The following ITPR2 variants were observed in gnomAD, a reference collection of about 807,000 sequenced individuals.
The protein encoded by ITPR2 is inositol 1,4,5-trisphosphate receptor type 2, also known as inositol 1,4,5-trisphosphate-gated calcium channel ITPR2.
ITPR2 carries 207 observed loss-of-function variants against 317.1 expected under a neutral mutation model. The ratio of observed to expected loss-of-function variants is 0.65; its 90% CI spans 0.58 to 0.73. The LOEUF (loss-of-function observed/expected upper bound fraction) is 0.73, where lower values mean the gene tolerates loss of function less well. ITPR2 is among the 30% of genes least tolerant of loss of function. The probability of loss-of-function intolerance (pLI) is 0.00; values close to 1 mark genes in which losing one functional copy is unlikely to be tolerated. For missense variants in ITPR2, 2,613 were observed against 3,284.0 expected (o/e 0.80, Z 4.99); for synonymous variants, 1,156 against 1,149.1 (o/e 1.01, Z -0.12).
rs1346177394 is a variant in ITPR2, at chr12:26,338,395, T to C, written c.*1002A>G. The C allele has an allele frequency of 1.3e-5, 2 of 152,634 alleles. No individual in the cohort carries two copies. The highest frequency in any genetic ancestry group is 1.3e-4 in the Admixed American group (2 of 15,282). The allele number at this position is 152,634 out of a possible 1,614,324, so 9.5% of individuals were successfully genotyped here. ...TCAATACATTTCTTGGATTTTTTTT[T>C]CCTAACTGCAGGAACAGCATACATA... On this transcript the variant is annotated 3_prime_UTR_variant, in exon 57 of 57. Coordinates refer to ENST00000381340, the MANE Select transcript of ITPR2 (RefSeq NM_002223.4).
At chr12:26,482,649 G>A (rs1565551824) in intron 42 of ITPR2, among the ~76,000 whole-genome samples, 1 of 151,944 alleles carries the variant, frequency 6.6e-6, no homozygotes, top group African/African-American at 2.4e-5. Flanking sequence ...AAACTCTTTC[G>A]GTATTTCATA....
chr12:26,535,121 T>A (rs1462156958), intron 37 of ITPR2, among the ~76,000 whole-genome samples: 1 of 152,160 alleles, frequency 6.6e-6, no homozygotes, highest in African/African-American at 2.4e-5. Context: ...CATAAACATG[T>A]ATCAAAATAT....
intron 49 of ITPR2, 39 bp downstream of exon 49, chr12:26,427,874 C>A: frequency 1.5e-6 from 2 of 1,312,756 alleles, no homozygotes; most frequent in Non-Finnish European, 2.0e-6. Flanking sequence ...CACTTTTAAA[C>A]TAATTCTGTA....
At chr12:26,483,992 C>A (rs1942602774) in intron 41 of ITPR2, 94 bp from the exon 42 acceptor site, 45 of 1,086,882 alleles carry the variant, frequency 4.1e-5, no homozygotes, top group Middle Eastern at 2.8e-4. Context: ...TCTAACTTTT[C>A]TTTGTAAGAA....
At chr12:26,795,203 T>A (rs1185050953) in intron 1 of ITPR2, among the ~76,000 whole-genome samples, 1 of 152,258 alleles carries the variant, frequency 6.6e-6, no homozygotes, top group Admixed American at 6.5e-5. Flanking sequence ...TATTAAATGA[T>A]GTTAGGATAA....
intron 2 of ITPR2, among the ~76,000 whole-genome samples, chr12:26,754,803 T>C (rs1329170802): frequency 6.6e-6 from 1 of 152,220 alleles, no homozygotes; most frequent in East Asian, 1.9e-4. Flanking sequence ...TAGGTTTTTC[T>C]TAGAGCAAAA....
chr12:26,827,698 T>C (rs1167542658), intron 1 of ITPR2, among the ~76,000 whole-genome samples: 1 of 152,236 alleles, frequency 6.6e-6, no homozygotes, highest in African/African-American at 2.4e-5. Context: ...TATCTTGAAA[T>C]ACTGTGTAAA....
intron 45 of ITPR2, among the ~76,000 whole-genome samples, chr12:26,473,869 T>C (rs969374572): frequency 2.6e-5 from 4 of 152,218 alleles, no homozygotes. Flanking sequence ...TTGTCCATCA[T>C]CCTGGCTTTC....
intron 37 of ITPR2, among the ~76,000 whole-genome samples, chr12:26,513,151 T>C (rs544287988): frequency 6.6e-6 from 1 of 152,016 alleles, no homozygotes; most frequent in Non-Finnish European, 1.5e-5. Context: ...GGGAAACAAT[T>C]TTTAACTCTA....
At chr12:26,462,493 C>T (rs1012914689) in intron 45 of ITPR2, among the ~76,000 whole-genome samples, 4 of 151,698 alleles carry the variant, frequency 2.6e-5, no homozygotes, top group Middle Eastern at 3.2e-3. Context: ...GGATTATAGG[C>T]GTGAGCCACT....
chr12:26,459,393 C>T (rs967015130), intron 45 of ITPR2, among the ~76,000 whole-genome samples: 2 of 152,166 alleles, frequency 1.3e-5, no homozygotes, highest in African/African-American at 4.8e-5. Flanking sequence ...TGCATTCTGG[C>T]GTGTGTCTGC....
intron 55 of ITPR2, among the ~76,000 whole-genome samples, chr12:26,348,199 C>T (rs1196826550): frequency 2.0e-5 from 3 of 152,208 alleles, no homozygotes; most frequent in African/African-American, 7.2e-5. Flanking sequence ...AGAAATGGCT[C>T]TCAAAAGCCA....
At chr12:26,400,292 T>G in intron 52 of ITPR2, 34 bp from the exon 53 acceptor site, 1 of 1,295,280 alleles carries the variant, frequency 7.7e-7, no homozygotes, top group African/African-American at 1.5e-5. Context: ...TGATATAAAA[T>G]TATGTAAAAA....
intron 55 of ITPR2, among the ~76,000 whole-genome samples, chr12:26,379,490 G>C (rs908934055): frequency 6.6e-6 from 1 of 152,176 alleles, no homozygotes; most frequent in African/African-American, 2.4e-5. Flanking sequence ...AAAAAGTGCA[G>C]TTATACCCAG....
At chr12:26,809,529 AT>A (rs1407454676) in intron 1 of ITPR2, among the ~76,000 whole-genome samples, 1 of 152,224 alleles carries the variant, frequency 6.6e-6, no homozygotes, top group African/African-American at 2.4e-5. Flanking sequence ...CTCATTTGAC[AT>A]TTTGGTAAGA....
intron 2 of ITPR2, among the ~76,000 whole-genome samples, chr12:26,771,486 T>C (rs1949842535): frequency 6.6e-6 from 1 of 152,086 alleles, no homozygotes; most frequent in Non-Finnish European, 1.5e-5. Flanking sequence ...TTGTGGGTTG[T>C]TTGTTTTTTG....
intron 37 of ITPR2, 171 bp from the exon 38 acceptor site, chr12:26,495,431 AAAT>A (rs1276805799): frequency 5.6e-6 from 3 of 539,634 alleles, no homozygotes; most frequent in Non-Finnish European, 9.9e-6. Flanking sequence ...CATCCCAATA[AAAT>A]AATCATTTTG....
intron 5 of ITPR2, among the ~76,000 whole-genome samples, chr12:26,720,327 T>C (rs536742706): frequency 1.3e-5 from 2 of 152,334 alleles, no homozygotes; most frequent in African/African-American, 4.8e-5. Flanking sequence ...TATTGTTAAA[T>C]AGTAAAATAT....
At chr12:26,362,015 A>C (rs1938845850) in intron 55 of ITPR2, among the ~76,000 whole-genome samples, 1 of 152,216 alleles carries the variant, frequency 6.6e-6, no homozygotes, top group Non-Finnish European at 1.5e-5. Flanking sequence ...ACACCACCTT[A>C]TTGTGTAGAA....
Sources: allele counts gnomAD v4.1 joint callset (sites outside exome capture counted in the v4.1 genomes callset), GRCh38; gene constraint gnomAD v4.1.1; transcripts MANE v1.5; gene names NCBI Gene and HGNC (gene_info 2026-07-23, HGNC 2026-07-21).